Variants in CHCHD4 observed in about 807,000 individuals in gnomAD.
CHCHD4 encodes mitochondrial intermembrane space import and assembly protein 40.
CHCHD4 carries 7 observed loss-of-function variants against 12.4 expected under a neutral mutation model. That is an observed-to-expected ratio of 0.57 (90% CI 0.32 to 1.06). The LOEUF is 1.06. Among genes scored for constraint, CHCHD4 ranks in the 50% least tolerant of loss-of-function variants. The pLI is 0.04. For missense variants in CHCHD4, 143 were observed against 175.1 expected, an observed-to-expected ratio of 0.82 and a Z score of 1.03; for synonymous variants, 56 against 58.0, an observed-to-expected ratio of 0.97 and a Z score of 0.16.
rs1011705867 is a variant in CHCHD4 at position 14,118,587 on chromosome 3, C to T, written c.23-2063G>A. On this transcript the variant is annotated intron_variant, in intron 1 of 2. Transcript: ENST00000396914. ...CAGAGTAACAACAAAAAACCCTCAG[C>T]ACACGGGGCCAGGACCCCCAACCCA... Among the ~76,000 whole-genome samples the T allele has an allele frequency of 2.0e-5, 3 of 152,216 alleles. No individual in the cohort carries two copies. The East Asian group carries it at 5.8e-4, about 29-fold the overall frequency.
At chr3:14,123,891 G>A (rs1415602598) in intron 1 of CHCHD4, among the ~76,000 whole-genome samples, 1 of 152,150 alleles carries the variant, frequency 6.6e-6, no homozygotes. Context: ...AGCAGTAGGT[G>A]GTCGGAGCTC....
intron 2 of CHCHD4, among the ~76,000 whole-genome samples, chr3:14,116,020 G>A (rs541616580): frequency 1.3e-5 from 2 of 152,248 alleles, no homozygotes; most frequent in South Asian, 4.1e-4. Context: ...CATGTAAGGT[G>A]CTTGCTGGAG....
intron 1 of CHCHD4, among the ~76,000 whole-genome samples, chr3:14,123,930 C>G (rs748102005): frequency 1.3e-4 from 20 of 152,160 alleles, no homozygotes; most frequent in Non-Finnish European, 2.2e-4. Context: ...AGGCAGGGTT[C>G]TCCCTGCAAT....
intron 1 of CHCHD4, chr3:14,121,812 A>G (rs1694937440): frequency 6.3e-7 from 1 of 1,588,080 alleles, no homozygotes. Context: ...CCTTTGAAAG[A>G]TACAACTCCC....
intron 1 of CHCHD4, among the ~76,000 whole-genome samples, chr3:14,117,095 G>T (rs547449406): frequency 1.3e-5 from 2 of 152,386 alleles, no homozygotes; most frequent in South Asian, 2.1e-4. Context: ...GCACTTCTCA[G>T]ATCTTTTTAA....
At chr3:14,113,823 A>G (rs960463381) in intron 2 of CHCHD4, among the ~76,000 whole-genome samples, 1 of 152,234 alleles carries the variant, frequency 6.6e-6, no homozygotes, top group Non-Finnish European at 1.5e-5. Context: ...TAAACTGCAC[A>G]TATGTGTTGG....
intron 1 of CHCHD4, among the ~76,000 whole-genome samples, chr3:14,121,393 T>A (rs1694932560): frequency 6.6e-6 from 1 of 152,228 alleles, no homozygotes; most frequent in African/African-American, 2.4e-5. Flanking sequence ...ACAGAATGGT[T>A]ATCACCATTA....
chr3:14,121,904 T>TAA, intron 1 of CHCHD4: 3 of 1,614,204 alleles, frequency 1.9e-6, no homozygotes, highest in Non-Finnish European at 2.5e-6. Context: ...GTTAGAAGTT[T>TAA]AGCTCAACAA....
At chr3:14,124,344 G>T (rs1694976583) in intron 1 of CHCHD4, among the ~76,000 whole-genome samples, 1 of 152,140 alleles carries the variant, frequency 6.6e-6, no homozygotes, top group African/African-American at 2.4e-5. Flanking sequence ...CGAGCCACAC[G>T]CAACGTGCTC....
chr3:14,120,389 C>T (rs1343077028), intron 1 of CHCHD4, among the ~76,000 whole-genome samples: 1 of 151,406 alleles, frequency 6.6e-6, no homozygotes. Flanking sequence ...ACTCCAGCCA[C>T]GCTGGCCTCT....
Position 14,124,650 on chromosome 3 carries a change from C to A in CHCHD4, c.22+5G>T. On this transcript the variant is annotated splice_donor_5th_base_variant and intron_variant, in intron 1 of 2. Transcript: ENST00000396914. The stretch of plus-strand genomic sequence containing the variant: ...CCGGTCTCCGTGGCAGCCCGCCCTC[C>A]CTACCTTCCTGCCGGCAATAGGACA... The A allele has an allele frequency of 6.6e-7, 1 of 1,521,382 alleles. No homozygotes were observed. 94.2% of individuals were successfully genotyped at this position (1,521,382 alleles called of 1,614,324 possible). A position where few individuals can be genotyped will look rare whatever the true frequency, so the allele number is the denominator to read the frequency against.
intron 1 of CHCHD4, among the ~76,000 whole-genome samples, chr3:14,121,470 T>C (rs1446183757): frequency 6.6e-6 from 1 of 152,220 alleles, no homozygotes; most frequent in Non-Finnish European, 1.5e-5. Context: ...GGAGGATCTT[T>C]ATACACCAGA....
rs1018726632 is a variant in CHCHD4 at position 14,124,733 on chromosome 3, T to G, written c.-57A>C. The G allele has an allele frequency of 6.6e-7, 1 of 1,507,288 alleles. No homozygotes were observed. The highest frequency in any genetic ancestry group is 8.9e-7 in the Non-Finnish European group (1 of 1,127,916). 93.4% of individuals were successfully genotyped at this position (1,507,288 alleles called of 1,614,324 possible). On this transcript the variant is annotated 5_prime_UTR_variant, in exon 1 of 3. Transcript: ENST00000396914. ...GCGGCGGTGGCGGCAGCTGCACCTT[T>G]ACGCCGTGACCTCCCTCTCCTCTGG...
chr3:14,124,827 C>G lies in CHCHD4; in HGVS notation c.-151G>C. ...AGGCCTGCCCGCCGCGCGCCTGCCT[C>G]GGCGCCCTCGCAACCGCGGCCAGGC... On this transcript the variant is annotated 5_prime_UTR_variant, in exon 1 of 3. Transcript: ENST00000396914. 1.1e-6 allele frequency: 1 copy of G among 931,972 alleles called. No individual in the cohort carries two copies. Among genetic ancestry groups the G allele is most frequent in the South Asian group, 1.7e-5 (1 of 57,792 alleles). The allele number at this position is 931,972 out of a possible 1,614,324, so 57.7% of individuals were successfully genotyped here. A position where few individuals can be genotyped will look rare whatever the true frequency, so the allele number is the denominator to read the frequency against.
rs1694990845 is a variant in CHCHD4 at position 14,124,812 on chromosome 3, G to A, written c.-136C>T. On this transcript the variant is annotated 5_prime_UTR_variant, in exon 1 of 3. Transcript: ENST00000396914. ...GACCCGCCCCCTCCCAGGCCTGCCC[G>A]CCGCGCGCCTGCCTCGGCGCCCTCG... The A allele has an allele frequency of 2.8e-6, 3 of 1,076,544 alleles. No individual in the cohort carries two copies. Among genetic ancestry groups the A allele is most frequent in the African/African-American group, 1.6e-5 (1 of 62,304 alleles). 66.7% of individuals were successfully genotyped at this position (1,076,544 alleles called of 1,614,324 possible). A position where few individuals can be genotyped will look rare whatever the true frequency, so the allele number is the denominator to read the frequency against.
At chr3:14,114,964 T>G (rs1046839607) in intron 2 of CHCHD4, among the ~76,000 whole-genome samples, 2 of 152,188 alleles carry the variant, frequency 1.3e-5, no homozygotes, top group African/African-American at 4.8e-5. Context: ...TTTAAGGCCC[T>G]CTTGATGTTT....
At chr3:14,117,201 G>A (rs1208851071) in intron 1 of CHCHD4, among the ~76,000 whole-genome samples, 2 of 152,234 alleles carry the variant, frequency 1.3e-5, no homozygotes, top group Non-Finnish European at 2.9e-5. Context: ...AAAGCCAGCA[G>A]GCCTAAAGTG....
chr3:14,115,178 A>G (rs1694862879), intron 2 of CHCHD4, among the ~76,000 whole-genome samples: 1 of 152,194 alleles, frequency 6.6e-6, no homozygotes, highest in Admixed American at 6.5e-5. Context: ...TTCTTTTTAC[A>G]AAGTATTCAC....
rs1300696602 is a variant in CHCHD4 at position 14,112,990 on chromosome 3, T to G, written c.326A>C (p.Asp109Ala). ...QKYPDLYPQE[D>A]EDEEEEREKK... The stretch of plus-strand genomic sequence containing the variant: ...CTCTCTTTCCTCTTCCTCATCCTCA[T>G]CCTCTTGGGGATAGAGGTCTGGGTA... Residue 109 changes from aspartate (D) to alanine (A), a missense_variant, in exon 3 of 3, where the codon GAT becomes GCT. Coordinates refer to ENST00000396914, the MANE Select transcript of CHCHD4 (RefSeq NM_001098502.2). The G allele has an allele frequency of 6.2e-7, 1 of 1,613,420 alleles. No individual in the cohort carries two copies. The highest frequency in any genetic ancestry group is 1.3e-5 in the African/African-American group (1 of 74,818).
Sources: allele counts gnomAD v4.1 joint callset (sites outside exome capture counted in the v4.1 genomes callset), GRCh38; gene constraint gnomAD v4.1.1; transcripts MANE v1.5; gene names NCBI Gene and HGNC (gene_info 2026-07-23, HGNC 2026-07-21).